ZNF407: variants seen among roughly 807,000 people sequenced by gnomAD.
The protein encoded by ZNF407 is zinc finger protein 407.
ZNF407 carries 17 observed loss-of-function variants against 131.2 expected under a neutral mutation model. The observed-to-expected ratio is 0.13, with a 90% CI of 0.09 to 0.19. The LOEUF (loss-of-function observed/expected upper bound fraction) is 0.19. Among genes scored for constraint, ZNF407 ranks in the 10% least tolerant of loss-of-function variants. ZNF407 has a pLI of 1.00. For missense variants in ZNF407, 2,681 were observed against 2,830.6 expected (o/e 0.95, Z 1.20); for synonymous variants, 1,156 against 1,062.0 (o/e 1.09, Z -1.72).
intron 4 of ZNF407, 134 bp downstream of exon 4, chr18:74,781,636 A>G (rs1376817025): frequency 3.3e-6 from 2 of 613,906 alleles, no homozygotes; most frequent in African/African-American, 2.0e-5. Context: ...TCTTTTGTCA[A>G]ATATCATATT....
chr18:74,942,495 A>C (rs1234099126), intron 8 of ZNF407, among the ~76,000 whole-genome samples: 2 of 152,176 alleles, frequency 1.3e-5, no homozygotes, highest in Non-Finnish European at 2.9e-5. Context: ...GGAGAACAGA[A>C]ACCCAAGACT....
At chr18:74,981,680 A>G (rs1329798271) in intron 8 of ZNF407, among the ~76,000 whole-genome samples, 1 of 151,688 alleles carries the variant, frequency 6.6e-6, no homozygotes, top group Non-Finnish European at 1.5e-5. Flanking sequence ...GTGACTGGGG[A>G]GGACGCGGCG....
intron 3 of ZNF407, among the ~76,000 whole-genome samples, chr18:74,665,735 T>C (rs1044563541): frequency 2.7e-4 from 41 of 152,248 alleles, no homozygotes; most frequent in African/African-American, 8.2e-4. Flanking sequence ...CACAGTGCAC[T>C]TCAGGAAGTG....
At chr18:74,980,337 C>T (rs974238663) in intron 8 of ZNF407, among the ~76,000 whole-genome samples, 1 of 149,616 alleles carries the variant, frequency 6.7e-6, no homozygotes, top group Admixed American at 6.7e-5. Context: ...GACGGAGTTT[C>T]GCTCTTGTGG....
rs1335076634 is a variant in ZNF407 at position 74,635,010 on chromosome 18, G to A, written c.3991G>A (p.Val1331Ile). Residue 1331 changes from valine (V) to isoleucine (I), a missense_variant, in exon 2 of 9, where the codon GTT becomes ATT. Around this residue, in one of 6 missense-constraint regions of ZNF407, gnomAD observed 1,789 missense variants for 1,748.7 expected, o/e 1.02. Coordinates refer to ENST00000299687, the MANE Select transcript of ZNF407 (RefSeq NM_017757.3). The surrounding 1 kb of genome is among the most constrained non-coding windows in gnomAD (Gnocchi z 4.7). ...EEDGPASDST[V>I]ESSDVYETII... ...GGATGGCCCAGCTTCTGATAGCACA[G>A]TTGAAAGTAGTGATGTCTATGAAAC... The A allele has an allele frequency of 1.9e-6, 3 of 1,613,922 alleles. No individual in the cohort carries two copies. Among genetic ancestry groups the A allele is most frequent in the Non-Finnish European group, 2.5e-6 (3 of 1,179,904 alleles).
intron 3 of ZNF407, among the ~76,000 whole-genome samples, chr18:74,728,890 C>T (rs1257482317): frequency 1.3e-5 from 2 of 152,288 alleles, no homozygotes; most frequent in South Asian, 4.1e-4. Flanking sequence ...AGAGACTAAA[C>T]ACTAGCCAGC....
intron 8 of ZNF407, among the ~76,000 whole-genome samples, chr18:75,045,067 G>A (rs1389472308): frequency 6.6e-6 from 1 of 150,670 alleles, no homozygotes; most frequent in East Asian, 1.9e-4. Context: ...GGTGTGGGGG[G>A]GTGTGGGCAT....
intron 4 of ZNF407, among the ~76,000 whole-genome samples, chr18:74,798,346 G>T (rs1483663058): frequency 6.6e-6 from 1 of 151,618 alleles, no homozygotes; most frequent in Non-Finnish European, 1.5e-5. Flanking sequence ...TTCAGAGTTG[G>T]TTTATTAAAA....
intron 4 of ZNF407, among the ~76,000 whole-genome samples, chr18:74,817,340 C>T (rs1970280839): frequency 6.6e-6 from 1 of 152,108 alleles, no homozygotes; most frequent in African/African-American, 2.4e-5. Context: ...AACATAATTA[C>T]AATGTCTTTC....
chr18:74,759,948 G>GTCTCTCTC lies in ZNF407; in HGVS notation c.4803-21461_4803-21454dup, dbSNP rs10662564. On this transcript the variant is annotated intron_variant, in intron 3 of 8. Coordinates refer to ENST00000299687, the MANE Select transcript of ZNF407 (RefSeq NM_017757.3). ...GCCATATTTTTCGGTTACTTTACAT[G>GTCTCTCTC]TCTCTCTCTCTCTCTCTCTCTCTCT... Among the ~76,000 whole-genome samples, 1,062 of 142,956 alleles carry GTCTCTCTC rather than the reference G, an allele frequency of 7.4e-3. 6 individuals carry two copies. The highest frequency in any genetic ancestry group is 0.025 in the African/African-American group (963 of 38,482). 93.8% of individuals were successfully genotyped at this position (142,956 alleles called of 152,430 possible).
At chr18:74,814,753 C>G (rs1255124687) in intron 4 of ZNF407, among the ~76,000 whole-genome samples, 3 of 151,944 alleles carry the variant, frequency 2.0e-5, no homozygotes, top group African/African-American at 7.2e-5. Flanking sequence ...AAAATTTTTT[C>G]TCATATAATT....
chr18:75,035,144 G>A (rs993966126), intron 8 of ZNF407, among the ~76,000 whole-genome samples: 1 of 152,194 alleles, frequency 6.6e-6, no homozygotes, highest in Non-Finnish European at 1.5e-5. Flanking sequence ...TAAGCAGTGA[G>A]CACACCGTTT....
rs1599154401 is a variant in ZNF407, at chr18:74,788,532, A to C, written c.4877+7030A>C. ...ACTCCCAAGGAAAGGAAAGGGAAGG[A>C]TTCCTTTCCTTTTATACCAGGAGTC... On this transcript the variant is annotated intron_variant, in intron 4 of 8. Transcript: ENST00000299687. Among the ~76,000 whole-genome samples the C allele has an allele frequency of 1.3e-5, 2 of 151,284 alleles. 1 individual carries two copies. The highest frequency in any genetic ancestry group is 4.2e-4 in the South Asian group (2 of 4,744).
intron 3 of ZNF407, among the ~76,000 whole-genome samples, chr18:74,732,227 T>A (rs536404764): frequency 6.6e-5 from 10 of 152,194 alleles, no homozygotes; most frequent in Non-Finnish European, 1.2e-4. Context: ...AAATTCTTAT[T>A]GTCGTGAAAC....
At chr18:74,636,345 A>C (rs1568138677) in intron 2 of ZNF407, among the ~76,000 whole-genome samples, 3 of 150,526 alleles carry the variant, frequency 2.0e-5, no homozygotes, top group African/African-American at 7.3e-5. Flanking sequence ...TTAAAAAAAC[A>C]TTTTTTTTTG....
intron 3 of ZNF407, among the ~76,000 whole-genome samples, chr18:74,643,814 A>G (rs1984835631): frequency 6.6e-6 from 1 of 151,986 alleles, no homozygotes; most frequent in African/African-American, 2.4e-5. Flanking sequence ...GGTTGTGACA[A>G]AAACTGCCTT....
At chr18:74,721,185 T>C (rs1257643867) in intron 3 of ZNF407, among the ~76,000 whole-genome samples, 1 of 152,204 alleles carries the variant, frequency 6.6e-6, no homozygotes, top group Non-Finnish European at 1.5e-5. Context: ...GATTTGCAGT[T>C]TTCCTTGTAG....
At chr18:74,857,383 T>C (rs1401193537) in intron 4 of ZNF407, among the ~76,000 whole-genome samples, 2 of 152,224 alleles carry the variant, frequency 1.3e-5, no homozygotes, top group African/African-American at 4.8e-5. Flanking sequence ...AAGTATTTTA[T>C]AGATGGTTAA....
intron 8 of ZNF407, among the ~76,000 whole-genome samples, chr18:75,032,732 G>T (rs528361886): frequency 8.1e-4 from 118 of 146,560 alleles, no homozygotes; most frequent in African/African-American, 2.7e-3. Flanking sequence ...TGCTCGGAAT[G>T]GGGGGAAGAT....
Sources: allele counts gnomAD v4.1 joint callset (sites outside exome capture counted in the v4.1 genomes callset), GRCh38; gene constraint gnomAD v4.1.1; regional missense constraint gnomAD v4.1.1; non-coding constraint Gnocchi (gnomAD v3.1); transcripts MANE v1.5; gene names NCBI Gene and HGNC (gene_info 2026-07-23, HGNC 2026-07-21).